The following CNBD2 variants were observed in gnomAD, a reference collection of about 807,000 sequenced individuals.
CNBD2 encodes cyclic nucleotide-binding domain-containing protein 2.
CNBD2 carries 64 observed loss-of-function variants against 63.7 expected under a neutral mutation model. That is an observed-to-expected ratio of 1.00 (90% confidence interval 0.82 to 1.24). The LOEUF is 1.24. CNBD2 is among the 50% of genes most tolerant of loss of function. The pLI, the probability that CNBD2 is intolerant of heterozygous loss-of-function variation, is 0.00. For missense variants in CNBD2, 691 were observed against 713.5 expected (o/e 0.97, Z 0.36); for synonymous variants, 229 against 255.4 (o/e 0.90, Z 0.99).
intron 7 of CNBD2, among the ~76,000 whole-genome samples, chr20:35,993,867 C>CTTTT (rs58873487): frequency 8.1e-5 from 7 of 86,472 alleles, no homozygotes; most frequent in South Asian, 8.0e-4. Context: ...TTCAGCTAAT[C>CTTTT]TTTTTTTTTT....
At chr20:35,970,938 TTTTTTC>T (rs2056405226) in intron 1 of CNBD2, among the ~76,000 whole-genome samples, 1 of 151,454 alleles carries the variant, frequency 6.6e-6, no homozygotes, top group Non-Finnish European at 1.5e-5. Context: ...GTTTTTGCAT[TTTTTTC>T]TTTTTCTTTT....
intron 10 of CNBD2, among the ~76,000 whole-genome samples, chr20:36,021,529 G>T (rs1350826301): frequency 6.6e-6 from 1 of 152,196 alleles, no homozygotes; most frequent in Non-Finnish European, 1.5e-5. Flanking sequence ...CAGCAACTTG[G>T]ATCCAGGATT....
intron 2 of CNBD2, among the ~76,000 whole-genome samples, chr20:35,975,507 A>G (rs1019820568): frequency 2.7e-5 from 4 of 146,614 alleles, no homozygotes; most frequent in Admixed American, 6.9e-5. Context: ...TCACCTTGTT[A>G]GCCAGGATGG....
At chr20:35,977,035 T>C (rs1162695289) in intron 3 of CNBD2, among the ~76,000 whole-genome samples, 1 of 152,192 alleles carries the variant, frequency 6.6e-6, no homozygotes. Flanking sequence ...TCAAGCTCTG[T>C]GACTCTTCAG....
At chr20:35,979,975 C>T (rs1483478408) in intron 3 of CNBD2, among the ~76,000 whole-genome samples, 2 of 152,170 alleles carry the variant, frequency 1.3e-5, no homozygotes, top group Non-Finnish European at 2.9e-5. Flanking sequence ...TCCATGAGGC[C>T]TGGTTCACTG....
upstream of CNBD2, among the ~76,000 whole-genome samples, chr20:35,967,112 C>T (rs1178242606): frequency 6.6e-6 from 1 of 152,076 alleles, no homozygotes; most frequent in Non-Finnish European, 1.5e-5. Flanking sequence ...GGCCACTTTA[C>T]AACCTAGTTC....
chr20:36,022,999 C>T (rs2057237973), intron 10 of CNBD2, among the ~76,000 whole-genome samples: 1 of 152,056 alleles, frequency 6.6e-6, no homozygotes. Context: ...AAAAACAAAA[C>T]AAAACAAAAA....
At chr20:36,021,440 C>G (rs1463365383) in intron 10 of CNBD2, among the ~76,000 whole-genome samples, 1 of 152,156 alleles carries the variant, frequency 6.6e-6, no homozygotes, top group African/African-American at 2.4e-5. Flanking sequence ...AAAGAATATG[C>G]ATGTATTTAT....
chr20:36,006,240 G>A (rs928378277), intron 8 of CNBD2, among the ~76,000 whole-genome samples: 1 of 151,946 alleles, frequency 6.6e-6, no homozygotes, highest in East Asian at 2.0e-4. Flanking sequence ...ATGTTGGCCA[G>A]GCTGGTCTCG....
intron 4 of CNBD2, among the ~76,000 whole-genome samples, chr20:35,983,291 C>T (rs368374237): frequency 2.6e-5 from 4 of 151,964 alleles, no homozygotes; most frequent in African/African-American, 9.7e-5. Context: ...ACAGACACCA[C>T]TGATATTTAT....
intron 11 of CNBD2, among the ~76,000 whole-genome samples, chr20:36,025,266 G>A (rs1189871138): frequency 1.3e-5 from 2 of 152,084 alleles, no homozygotes; most frequent in African/African-American, 4.8e-5. Context: ...GGTAAGAGTC[G>A]TTTTCTCTGG....
At chr20:35,993,713 T>G (rs2056779980) in intron 7 of CNBD2, among the ~76,000 whole-genome samples, 1 of 152,136 alleles carries the variant, frequency 6.6e-6, no homozygotes, top group Admixed American at 6.5e-5. Context: ...TAATGTAGTT[T>G]TTATCTCTAT....
intron 10 of CNBD2, among the ~76,000 whole-genome samples, chr20:36,019,754 A>G (rs2057183640): frequency 1.3e-5 from 2 of 152,044 alleles, no homozygotes; most frequent in East Asian, 1.9e-4. Flanking sequence ...CTTAGGCGGC[A>G]TGAGATTTAT....
At chr20:35,954,571 T>G, upstream of CNBD2, 1 of 1,458,702 alleles carries the variant, frequency 6.9e-7, no homozygotes, top group Non-Finnish European at 9.2e-7. Flanking sequence ...TCTAGCGTTC[T>G]CGAGTCGCAT....
At position 35,980,533 on chromosome 20, in the gene CNBD2, C is replaced by T. The variant is rs201820579; in HGVS notation, c.318C>T (p.Ala106=). 8.7e-6 allele frequency: 14 copies of T among 1,614,152 alleles called. No individual in the cohort carries two copies. Among genetic ancestry groups the T allele is most frequent in the African/African-American group, 1.3e-5 (1 of 75,048 alleles). ...PSWRTEDEIQ[A]VCNILQVLDS... is the part of the protein sequence containing the mutation. ...GGAGAACAGAGGATGAGATCCAGGC[C>T]GTCTGTAACATCTTGCAGGTTCTGG... is the stretch of plus-strand genomic sequence containing the variant. The change falls in exon 4 of 12, where the codon GCC becomes GCT. Residue 106 remains alanine, a synonymous_variant. Transcript: ENST00000373973.
intron 6 of CNBD2, among the ~76,000 whole-genome samples, chr20:35,985,431 G>T (rs887210213): frequency 9.9e-5 from 15 of 151,476 alleles, no homozygotes; most frequent in Admixed American, 9.2e-4. Context: ...CTCCTAAAGT[G>T]CTGGGATTAC....
At chr20:36,010,617 G>T (rs1601086915) in intron 9 of CNBD2, among the ~76,000 whole-genome samples, 1 of 152,152 alleles carries the variant, frequency 6.6e-6, no homozygotes, top group South Asian at 2.1e-4. Context: ...CTAAAAATTA[G>T]CTGGGCATGG....
upstream of CNBD2, among the ~76,000 whole-genome samples, chr20:35,965,258 A>G (rs1601004827): frequency 6.6e-6 from 1 of 150,438 alleles, no homozygotes; most frequent in East Asian, 2.0e-4. Flanking sequence ...GCTCACTGCA[A>G]CCTGCGCCTC....
chr20:35,979,295 G>A (rs1266676387), intron 3 of CNBD2, among the ~76,000 whole-genome samples: 6 of 152,218 alleles, frequency 3.9e-5, no homozygotes, highest in Non-Finnish European at 8.8e-5. Context: ...TCCCCAGCCT[G>A]CCATTGAGGA....
Sources: allele counts gnomAD v4.1 joint callset (sites outside exome capture counted in the v4.1 genomes callset), GRCh38; gene constraint gnomAD v4.1.1; transcripts MANE v1.5; gene names NCBI Gene and HGNC (gene_info 2026-07-23, HGNC 2026-07-21).